Variants in LY96 observed in about 807,000 individuals in gnomAD.
LY96 encodes the protein myeloid differentiation protein-2.
LY96 carries 18 observed loss-of-function variants against 18.9 expected under a neutral mutation model. The observed-to-expected ratio is 0.95, with a 90% confidence interval of 0.66 to 1.41. The LOEUF is 1.41. Ranked by LOEUF, LY96 falls within the 40% of genes most tolerant of loss-of-function variation. The pLI is 0.00. For missense variants in LY96, 175 were observed against 182.4 expected, an observed-to-expected ratio of 0.96 and a Z score of 0.23; for synonymous variants, 66 against 62.6, an observed-to-expected ratio of 1.06 and a Z score of -0.26.
the LY96 span, among the ~76,000 whole-genome samples, chr8:74,054,201 AT>A: frequency 6.6e-6 from 1 of 151,870 alleles, no homozygotes; most frequent in Non-Finnish European, 1.5e-5. Flanking sequence ...TATTTACAAG[AT>A]TTTTTGTAGA....
chr8:74,070,525 C>A, the LY96 span, among the ~76,000 whole-genome samples: 1 of 152,092 alleles, frequency 6.6e-6, no homozygotes, highest in Non-Finnish European at 1.5e-5. Flanking sequence ...CAGTGTATGC[C>A]ATTTAACTAT....
the LY96 span, among the ~76,000 whole-genome samples, chr8:74,069,351 G>C: frequency 6.6e-6 from 1 of 152,134 alleles, no homozygotes; most frequent in Non-Finnish European, 1.5e-5. Flanking sequence ...TGAATCAAAG[G>C]TGTGAAGTGG....
At chr8:74,074,660 A>G in the LY96 span, among the ~76,000 whole-genome samples, 3 of 152,246 alleles carry the variant, frequency 2.0e-5, no homozygotes, top group East Asian at 5.8e-4. Context: ...CCTTCTCTGT[A>G]TCCCATAGGT....
chr8:74,028,890 A>G (rs1215583918), intron 4 of LY96, 66 bp from the exon 5 acceptor site: 2 of 967,162 alleles, frequency 2.1e-6, no homozygotes, highest in African/African-American at 1.6e-5. Context: ...GAAAGTTCTT[A>G]CAAAGCCTCT....
chr8:74,095,469 T>C, the LY96 span, among the ~76,000 whole-genome samples: 3 of 152,196 alleles, frequency 2.0e-5, no homozygotes, highest in Non-Finnish European at 2.9e-5. Context: ...TGAAGTTTTC[T>C]ATCCTTCCTG....
the LY96 span, among the ~76,000 whole-genome samples, chr8:74,039,014 T>G: frequency 6.6e-6 from 1 of 152,238 alleles, no homozygotes; most frequent in Non-Finnish European, 1.5e-5. Flanking sequence ...GAAGGTTCCC[T>G]TTTCTCTACA....
chr8:74,013,056 A>G (rs1260797435), intron 3 of LY96, among the ~76,000 whole-genome samples: 1 of 152,192 alleles, frequency 6.6e-6, no homozygotes, highest in South Asian at 2.1e-4. Context: ...TCCTGGGCTG[A>G]AGTCATCATC....
chr8:74,075,202 T>C, the LY96 span, among the ~76,000 whole-genome samples: 3 of 152,254 alleles, frequency 2.0e-5, no homozygotes, highest in Admixed American at 2.0e-4. Flanking sequence ...TATTATATCC[T>C]CTGGCTGAAT....
the LY96 span, among the ~76,000 whole-genome samples, chr8:74,040,017 C>T: frequency 6.6e-6 from 1 of 152,118 alleles, no homozygotes; most frequent in Non-Finnish European, 1.5e-5. Flanking sequence ...CTGGCATTAC[C>T]GCTTGACCAA....
intron 3 of LY96, among the ~76,000 whole-genome samples, chr8:74,019,120 C>T (rs1816705428): frequency 6.6e-6 from 1 of 151,992 alleles, no homozygotes. Flanking sequence ...TTCAAAAAAT[C>T]AATGAATCCA....
At chr8:74,083,563 T>G in the LY96 span, among the ~76,000 whole-genome samples, 1 of 152,212 alleles carries the variant, frequency 6.6e-6, no homozygotes, top group East Asian at 1.9e-4. Context: ...GGCAATTCCT[T>G]AATATTATCA....
chr8:74,009,400 GAAGAAAAGAA>G (rs370257053), intron 2 of LY96, among the ~76,000 whole-genome samples: 5 of 111,188 alleles, frequency 4.5e-5, no homozygotes, highest in Admixed American at 2.7e-4. Flanking sequence ...AAAAAAAAAA[GAAGAAAAGAA>G]AAGAAAAGAA....
the LY96 span, chr8:74,052,766 A>G: frequency 6.6e-6 from 1 of 152,220 alleles, no homozygotes; most frequent in Non-Finnish European, 1.5e-5. Flanking sequence ...TGCATACATT[A>G]GAAGGACTAC....
chr8:74,050,018 TTAAA>T, the LY96 span, among the ~76,000 whole-genome samples: 12 of 151,736 alleles, frequency 7.9e-5, no homozygotes, highest in Non-Finnish European at 1.6e-4. Flanking sequence ...ACTCCATTTT[TTAAA>T]TAAATAAATA....
At chr8:73,998,021 C>T (rs1816187055) in intron 1 of LY96, among the ~76,000 whole-genome samples, 1 of 152,136 alleles carries the variant, frequency 6.6e-6, no homozygotes, top group African/African-American at 2.4e-5. Flanking sequence ...GTCTGTAGCC[C>T]TTCTCCCCTT....
At chr8:74,001,528 C>A (rs1297017936) in intron 1 of LY96, among the ~76,000 whole-genome samples, 1 of 152,062 alleles carries the variant, frequency 6.6e-6, no homozygotes, top group African/African-American at 2.4e-5. Flanking sequence ...GCACACTTGG[C>A]CTCTACAAAT....
chr8:74,024,976 T>C (rs903118790), intron 3 of LY96, among the ~76,000 whole-genome samples: 1 of 152,110 alleles, frequency 6.6e-6, no homozygotes, highest in African/African-American at 2.4e-5. Context: ...TATAGGCACA[T>C]GCACCACACC....
intron 1 of LY96, among the ~76,000 whole-genome samples, chr8:74,004,163 C>T (rs551492814): frequency 6.6e-6 from 1 of 152,302 alleles, no homozygotes; most frequent in African/African-American, 2.4e-5. Context: ...CTCTTTCCCT[C>T]CCCGGGAGAA....
chr8:74,041,706 AC>A, the LY96 span, among the ~76,000 whole-genome samples: 2 of 150,576 alleles, frequency 1.3e-5, no homozygotes, highest in Non-Finnish European at 3.0e-5. Flanking sequence ...GGGTGGGGAA[AC>A]CCCCCCCACC....
Sources: allele counts gnomAD v4.1 joint callset (sites outside exome capture counted in the v4.1 genomes callset), GRCh38; gene constraint gnomAD v4.1.1; transcripts MANE v1.5; gene names NCBI Gene and HGNC (gene_info 2026-07-23, HGNC 2026-07-21).